Variants in COG6 observed in about 807,000 individuals in gnomAD.
COG6 encodes component of oligomeric golgi complex 6.
COG6 carries 74 observed loss-of-function variants against 88.8 expected under a neutral mutation model. The ratio of observed to expected loss-of-function variants is 0.83; its 90% CI spans 0.69 to 1.01. The LOEUF (loss-of-function observed/expected upper bound fraction) is 1.01, where lower values mean the gene tolerates loss of function less well. Ranked by LOEUF, COG6 falls within the 50% of genes least tolerant of loss-of-function variation. The pLI is 0.00. For synonymous variants in COG6, 286 were observed against 278.7 expected (o/e 1.03, Z -0.26); for missense variants, 800 against 797.9 (o/e 1.00, Z -0.03).
intron 4 of COG6, among the ~76,000 whole-genome samples, chr13:39,671,559 A>G (rs1337315271): frequency 1.3e-5 from 2 of 151,832 alleles, no homozygotes; most frequent in African/African-American, 4.8e-5. Context: ...TTGAAAACTC[A>G]TTTGTCATTT....
chr13:39,698,996 A>C (rs1023979563), intron 12 of COG6, among the ~76,000 whole-genome samples: 1 of 151,892 alleles, frequency 6.6e-6, no homozygotes, highest in Non-Finnish European at 1.5e-5. Flanking sequence ...TAGTCTAAAT[A>C]TACTGCTCTG....
chr13:39,720,606 A>T (rs1280641488), intron 15 of COG6, among the ~76,000 whole-genome samples: 4 of 152,070 alleles, frequency 2.6e-5, no homozygotes, highest in African/African-American at 9.7e-5. Flanking sequence ...AAAGTCAAAT[A>T]ATTCTACAGA....
At chr13:39,775,687 C>A (rs1444268468) in intron 18 of COG6, among the ~76,000 whole-genome samples, 1 of 152,040 alleles carries the variant, frequency 6.6e-6, no homozygotes, top group Non-Finnish European at 1.5e-5. Context: ...TAATACAATA[C>A]CGAAACAAAT....
chr13:39,719,457 T>C, intron 14 of COG6, 90 bp downstream of exon 14: 1 of 1,327,214 alleles, frequency 7.5e-7, no homozygotes, highest in South Asian at 1.2e-5. Context: ...TCATATACTT[T>C]GACAGTCTCT....
intron 13 of COG6, among the ~76,000 whole-genome samples, chr13:39,700,448 T>G (rs1481040116): frequency 6.6e-6 from 1 of 151,920 alleles, no homozygotes; most frequent in Admixed American, 6.6e-5. Flanking sequence ...CAGATTCATT[T>G]GGAAAAGCAA....
intron 18 of COG6, among the ~76,000 whole-genome samples, chr13:39,782,756 A>C (rs1881667890): frequency 6.6e-6 from 1 of 152,202 alleles, no homozygotes; most frequent in South Asian, 2.1e-4. Flanking sequence ...TCTTAGGGGC[A>C]GCACCTAGAC....
chr13:39,684,967 T>G (rs564198761), intron 8 of COG6, among the ~76,000 whole-genome samples: 32 of 152,344 alleles, frequency 2.1e-4, no homozygotes, highest in African/African-American at 7.5e-4. Context: ...ATAATTTATT[T>G]TCTTTGGTAA....
At chr13:39,698,685 A>G (rs1299474555) in intron 12 of COG6, among the ~76,000 whole-genome samples, 1 of 151,884 alleles carries the variant, frequency 6.6e-6, no homozygotes, top group Non-Finnish European at 1.5e-5. Context: ...ACAATCTAAA[A>G]TTTTTTAGGC....
chr13:39,669,482 G>C (rs1316246582), intron 4 of COG6, among the ~76,000 whole-genome samples: 1 of 152,160 alleles, frequency 6.6e-6, no homozygotes, highest in African/African-American at 2.4e-5. Flanking sequence ...GATTGTCTCT[G>C]TTTCTCCTAA....
chr13:39,751,498 C>T lies in COG6; in HGVS notation c.*405C>T, dbSNP rs1308722333. On this transcript the variant is annotated 3_prime_UTR_variant, in exon 19 of 19. Transcript: ENST00000455146. ...ATATGACCTAATAAATGTCTCCTTA[C>T]CTAAAGATTCATTTGCTTTCTTTTA... 3 of 1,267,616 alleles carry T rather than the reference C, an allele frequency of 2.4e-6. No homozygotes were observed. Among genetic ancestry groups the T allele is most frequent in the South Asian group, 1.2e-5 (1 of 80,490 alleles). The allele number at this position is 1,267,616 out of a possible 1,614,324, so 78.5% of individuals were successfully genotyped here. A position where few individuals can be genotyped will look rare whatever the true frequency, so the allele number is the denominator to read the frequency against.
In COG6 at chr13:39,699,592, C is replaced by T. The variant is rs372225848; in HGVS notation, c.1258C>T (p.Leu420Phe). Residue 420 changes from leucine (L) to phenylalanine (F), a missense_variant, in exon 13 of 19, where the codon CTT becomes TTT. Physicochemically the swap from Leu to Phe is conservative, Grantham distance 22. Coordinates refer to ENST00000455146, the MANE Select transcript of COG6 (RefSeq NM_020751.3). ...SKKIFFNSLS[L>F]HASKLMDKVE... ...AAAAATATTCTTCAATAGCTTGAGTCTTCATGCAAGTAAATTAATGGACAA... is the reference window on the plus strand; with the variant it reads ...AAAAATATTCTTCAATAGCTTGAGTTTTCATGCAAGTAAATTAATGGACAA... 8 of 1,521,642 alleles carry T rather than the reference C, an allele frequency of 5.3e-6. No homozygotes were observed. The highest frequency in any genetic ancestry group is 2.3e-5 in the East Asian group (1 of 44,272). The allele number at this position is 1,521,642 out of a possible 1,614,324, so 94.3% of individuals were successfully genotyped here.
chr13:39,666,680 T>A lies in COG6; in HGVS notation c.428+1526T>A, dbSNP rs149698837. Among the ~76,000 whole-genome samples, 4 of 152,294 alleles carry A rather than the reference T, an allele frequency of 2.6e-5. No homozygotes were observed. In the East Asian group the frequency reaches 7.7e-4, roughly 29 times the overall value. ...GGAAATTATAAAGAGTGCAGAGGTG[T>A]AAAGTTACTTGTGTAAAAGGATATC... On this transcript the variant is annotated intron_variant, in intron 4 of 18. Transcript: ENST00000455146.
chr13:39,791,306 A>G (rs1257247824), exon 19 of COG6: 2 of 152,108 alleles, frequency 1.3e-5, no homozygotes, highest in East Asian at 1.9e-4. Context: ...TTAAGCATCT[A>G]TGGAAATGAA....
intron 18 of COG6, among the ~76,000 whole-genome samples, chr13:39,768,666 G>C (rs906497293): frequency 6.6e-6 from 1 of 152,020 alleles, no homozygotes; most frequent in Admixed American, 6.5e-5. Flanking sequence ...TGCAGTCAAG[G>C]CTCAGTGGTA....
Position 39,752,461 on chromosome 13 carries a change from T to A in COG6, c.*1368T>A. The A allele has an allele frequency of 9.2e-7, 1 of 1,083,846 alleles. No individual in the cohort carries two copies. The highest frequency in any genetic ancestry group is 1.2e-6 in the Non-Finnish European group (1 of 824,880). 67.1% of individuals were successfully genotyped at this position (1,083,846 alleles called of 1,614,324 possible). A position where few individuals can be genotyped will look rare whatever the true frequency, so the allele number is the denominator to read the frequency against. On this transcript the variant is annotated 3_prime_UTR_variant, in exon 19 of 19. Coordinates refer to ENST00000455146, the MANE Select transcript of COG6 (RefSeq NM_020751.3). ...TTTTTTCCCTTTGATTAGTATGTGTTACATATAAAGACAGAAAATAAAGTA... is the reference window on the plus strand; with the variant it reads ...TTTTTTCCCTTTGATTAGTATGTGTAACATATAAAGACAGAAAATAAAGTA...
At chr13:39,665,283 T>C in intron 4 of COG6, 129 bp downstream of exon 4, 1 of 636,580 alleles carries the variant, frequency 1.6e-6, no homozygotes, top group East Asian at 2.8e-5. Flanking sequence ...CCTAAACTAT[T>C]ATATTACCCA....
At chr13:39,705,449 CA>C (rs35983245) in intron 13 of COG6, among the ~76,000 whole-genome samples, 4 of 151,998 alleles carry the variant, frequency 2.6e-5, no homozygotes, top group African/African-American at 7.2e-5. Context: ...TTCATAACTG[CA>C]AATCTAGTGA....
intron 18 of COG6, among the ~76,000 whole-genome samples, chr13:39,787,825 G>C (rs1385207559): frequency 6.6e-6 from 1 of 152,196 alleles, no homozygotes; most frequent in Non-Finnish European, 1.5e-5. Flanking sequence ...ATTATTTAAA[G>C]TATTCGGGAA....
intron 11 of COG6, among the ~76,000 whole-genome samples, chr13:39,692,499 A>G (rs1877037384): frequency 6.6e-6 from 1 of 152,082 alleles, no homozygotes. Context: ...CAATATAGTC[A>G]TTGGACCCTC....
Sources: allele counts gnomAD v4.1 joint callset (sites outside exome capture counted in the v4.1 genomes callset), GRCh38; gene constraint gnomAD v4.1.1; transcripts MANE v1.5; gene names NCBI Gene and HGNC (gene_info 2026-07-23, HGNC 2026-07-21).